PLXNA1: variants seen among roughly 807,000 people sequenced by gnomAD.
PLXNA1 encodes the protein plexin A1.
In PLXNA1, 77 loss-of-function variants were observed where a neutral mutation model predicts 191.7. The ratio of observed to expected loss-of-function variants is 0.40; its 90% CI spans 0.33 to 0.49. The LOEUF is 0.49. Ranked by LOEUF, PLXNA1 falls within the 20% of genes least tolerant of loss-of-function variation. The pLI is 0.63. For missense variants in PLXNA1, 2,110 were observed against 2,660.2 expected (o/e 0.79, Z 4.55); for synonymous variants, 1,137 against 1,156.4 (o/e 0.98, Z 0.34).
rs2078990350 is a variant in PLXNA1 at position 126,991,513 on chromosome 3, T to G, written c.1324T>G (p.Tyr442Asp). ...DGLTAVAAYDYRGRTVVFAGT... is the reference protein window; with the variant it reads ...DGLTAVAAYDDRGRTVVFAGT... ...CCTGACCGCCGTGGCTGCCTATGACTATCGGGGCCGCACTGTGGTATTCGC... is the reference window on the plus strand; with the variant it reads ...CCTGACCGCCGTGGCTGCCTATGACGATCGGGGCCGCACTGTGGTATTCGC... Residue 442 changes from tyrosine to aspartate, a missense_variant, in exon 3 of 32, where the codon TAT becomes GAT. Transcript: ENST00000393409. 6.2e-7 allele frequency: 1 copy of G among 1,611,754 alleles called. No individual in the cohort carries two copies. Among genetic ancestry groups the G allele is most frequent in the South Asian group, 1.1e-5 (1 of 90,962 alleles).
At chr3:126,986,271 G>A (rs937153712) in intron 1 of PLXNA1, among the ~76,000 whole-genome samples, 18 of 152,276 alleles carry the variant, frequency 1.2e-4, no homozygotes, top group African/African-American at 2.4e-4. Flanking sequence ...TCTGGCTCCC[G>A]GGTCTTCCTT....
chr3:127,007,576 G>C (rs890957142), intron 8 of PLXNA1, among the ~76,000 whole-genome samples: 11 of 152,170 alleles, frequency 7.2e-5, no homozygotes, highest in African/African-American at 2.7e-4. Flanking sequence ...AGGCAAGAAG[G>C]TGGGGAGGCA....
In PLXNA1 at chr3:127,030,321, G is replaced by A; in HGVS notation, c.5140G>A (p.Ala1714Thr). 1 of 1,614,020 alleles carries A rather than the reference G, an allele frequency of 6.2e-7. No individual in the cohort carries two copies. The highest frequency in any genetic ancestry group is 8.5e-7 in the Non-Finnish European group (1 of 1,180,022). The stretch of plus-strand genomic sequence containing the variant: ...ACACCGGGGCTCAGCCCTGCCGCTG[G>A]CCATCAAGTACATGTTCGACTTCCT... Reference protein sequence around the residue: ...TAHRGSALPLAIKYMFDFLDE... With the variant: ...TAHRGSALPLTIKYMFDFLDE... Residue 1714 changes from alanine (A) to threonine (T), a missense_variant, in exon 29 of 32, where the codon GCC becomes ACC. Physicochemically the swap from Ala to Thr is moderately conservative, Grantham distance 58. This residue lies in a region of PLXNA1 where 559 missense variants were observed against 911.5 expected (regional missense o/e 0.61). Transcript: ENST00000393409.
In PLXNA1 at chr3:127,022,244, G is replaced by T; in HGVS notation, c.4198G>T (p.Glu1400Ter). Reference sequence around the variant, plus strand: ...GCTCATCATGACGGCCCTGCAGGGCGAGATGGAATACGCCACAGGCGTGCT... The same window carrying T: ...GCTCATCATGACGGCCCTGCAGGGCTAGATGGAATACGCCACAGGCGTGCT... The part of the protein sequence containing the change: ...ASLIMTALQG[E>*]MEYATGVLKQ... The change falls in exon 22 of 32, where the codon GAG (glutamate) becomes TAG (stop). Residue 1400 changes from glutamate to a stop codon, truncating the protein, a stop_gained. Transcript: ENST00000393409. LOFTEE classifies it high-confidence loss of function. 1 of 1,613,492 alleles carries T rather than the reference G, an allele frequency of 6.2e-7. No individual in the cohort carries two copies. The highest frequency in any genetic ancestry group is 8.5e-7 in the Non-Finnish European group (1 of 1,179,992).
chr3:127,012,478 C>CGTGG (rs1559960571), intron 10 of PLXNA1, among the ~76,000 whole-genome samples: 1 of 152,220 alleles, frequency 6.6e-6, no homozygotes, highest in African/African-American at 2.4e-5. Context: ...TTGCAGCATC[C>CGTGG]GTGGGTCCCA....
At chr3:127,012,945 T>A (rs908628839) in intron 10 of PLXNA1, among the ~76,000 whole-genome samples, 1 of 152,180 alleles carries the variant, frequency 6.6e-6, no homozygotes, top group East Asian at 1.9e-4. Flanking sequence ...GGCTGGGCTG[T>A]TGTGTGGGGC....
intron 4 of PLXNA1, 95 bp from the exon 5 acceptor site, chr3:127,004,516 C>T (rs1308479812): frequency 9.1e-6 from 8 of 876,192 alleles, no homozygotes; most frequent in Admixed American, 2.1e-5. Context: ...AGGGCCTCCC[C>T]GGGCCTAAGG....
intron 9 of PLXNA1, 71 bp from the exon 10 acceptor site, chr3:127,011,887 G>A (rs1432514931): frequency 2.1e-6 from 3 of 1,396,958 alleles, no homozygotes; most frequent in African/African-American, 2.8e-5. Flanking sequence ...GTGCACATCT[G>A]GAGCGTAGTG....
chr3:127,001,721 G>T (rs747967), intron 3 of PLXNA1, among the ~76,000 whole-genome samples: 16,123 of 152,278 alleles, frequency 0.11, 935 homozygotes, highest in South Asian at 0.22. Context: ...GGTTGGCTGC[G>T]CAGGTGCGGT....
chr3:127,032,929 G>C (rs1480762834), intron 31 of PLXNA1, 93 bp downstream of exon 31: 5 of 1,361,936 alleles, frequency 3.7e-6, no homozygotes, highest in Non-Finnish European at 5.1e-6. Flanking sequence ...ACTCCTCCCT[G>C]AATCTCTGGG....
At chr3:126,997,714 A>G (rs72959006) in intron 3 of PLXNA1, among the ~76,000 whole-genome samples, 252 of 152,378 alleles carry the variant, frequency 1.7e-3, no homozygotes, top group African/African-American at 5.9e-3. Flanking sequence ...CCCTGTGGGC[A>G]TGATGAGTGC....
chr3:127,025,590 T>G (rs2079173180), intron 23 of PLXNA1, among the ~76,000 whole-genome samples: 1 of 152,326 alleles, frequency 6.6e-6, no homozygotes, highest in East Asian at 1.9e-4. Flanking sequence ...CTGTCCCCAT[T>G]GAACACCCAC....
Position 127,028,227 on chromosome 3 carries a change from C to T in PLXNA1, c.4556C>T (p.Pro1519Leu), listed in dbSNP as rs768988256. 2.0e-5 allele frequency: 32 copies of T among 1,612,962 alleles called. No homozygotes were observed. Among genetic ancestry groups the T allele is most frequent in the South Asian group, 5.5e-5 (5 of 91,084 alleles). Residue 1519 changes from proline to leucine, a missense_variant, in exon 25 of 32, where the codon CCG (proline) becomes CTG (leucine). Transcript: ENST00000393409. Reference sequence around the variant, plus strand: ...GAGAATGAGAATGCACCTGAGGTGCCGGTGAAGGGGCTGGACTGTGACACG... The same window carrying T: ...GAGAATGAGAATGCACCTGAGGTGCTGGTGAAGGGGCTGGACTGTGACACG... ...NPENENAPEV[P>L]VKGLDCDTVT...
At chr3:126,992,548 G>A (rs2078995951) in intron 3 of PLXNA1, among the ~76,000 whole-genome samples, 1 of 152,042 alleles carries the variant, frequency 6.6e-6, no homozygotes. Flanking sequence ...GCCCCTCCCT[G>A]GCTCTGTGAT....
In PLXNA1 at chr3:127,037,023, G is replaced by A. The variant is rs530912448; in HGVS notation, c.*3006G>A. On this transcript the variant is annotated 3_prime_UTR_variant, in exon 32 of 32. Transcript: ENST00000393409. ...TCGAGTCCGGGAGAGAGCCCGGAGC[G>A]GCGTGCCATCTCGGCTCGGCCTTGC... is the stretch of plus-strand genomic sequence containing the variant. 7 of 152,512 alleles carry A rather than the reference G, an allele frequency of 4.6e-5. No homozygotes were observed. The East Asian group carries it at 5.8e-4, about 13-fold the overall frequency. 9.4% of individuals were successfully genotyped at this position (152,512 alleles called of 1,614,324 possible).
At position 127,014,071 on chromosome 3, in the gene PLXNA1, G is replaced by C; in HGVS notation, c.2365G>C (p.Val789Leu). The C allele has an allele frequency of 6.2e-7, 1 of 1,614,028 alleles. No homozygotes were observed. Among genetic ancestry groups the C allele is most frequent in the Non-Finnish European group, 8.5e-7 (1 of 1,180,004 alleles). The change falls in exon 11 of 32, where the codon GTG (valine) becomes CTG (leucine). Residue 789 changes from valine to leucine, a missense_variant. Physicochemically the swap from Val to Leu is conservative, Grantham distance 32. Coordinates refer to ENST00000393409, the MANE Select transcript of PLXNA1 (RefSeq NM_032242.4). ...VSDLPVNLSV[V>L]WNGNFVIDNP... ...CGACCTGCCAGTGAACCTGTCAGTC[G>C]TGTGGAACGGCAACTTTGTCATTGA...
At chr3:127,011,073 C>T (rs113654383) in intron 9 of PLXNA1, among the ~76,000 whole-genome samples, 2 of 152,316 alleles carry the variant, frequency 1.3e-5, no homozygotes, top group East Asian at 1.9e-4. Flanking sequence ...AGTCACTGGG[C>T]GCGCCTCAGA....
intron 4 of PLXNA1, among the ~76,000 whole-genome samples, chr3:127,003,821 G>A (rs9846332): frequency 0.034 from 5,234 of 152,328 alleles, 302 homozygotes; most frequent in African/African-American, 0.12. Flanking sequence ...AGGGTTTGGG[G>A]TGTGTACTGG....
Position 127,002,696 on chromosome 3 carries a change from A to C in PLXNA1, c.1378-634A>C, listed in dbSNP as rs1011811659. ...GTGGGTCTCTCTGTTAATTAAATAC[A>C]TTTGTTTGGTAAAAGCAACTAAAAA... On this transcript the variant is annotated intron_variant, in intron 3 of 31. Transcript: ENST00000393409. Among the ~76,000 whole-genome samples, 3 of 152,224 alleles carry C rather than the reference A, an allele frequency of 2.0e-5. 1 individual carries two copies. The highest frequency in any genetic ancestry group is 6.5e-5 in the Admixed American group (1 of 15,284).
Sources: allele counts gnomAD v4.1 joint callset (sites outside exome capture counted in the v4.1 genomes callset), GRCh38; gene constraint gnomAD v4.1.1; regional missense constraint gnomAD v4.1.1; transcripts MANE v1.5; gene names NCBI Gene and HGNC (gene_info 2026-07-23, HGNC 2026-07-21).